SCHIP1: variants seen among roughly 807,000 people sequenced by gnomAD.
The protein encoded by SCHIP1 is schwannomin interacting protein 1.
Under a neutral mutation model 29.7 loss-of-function variants are expected in SCHIP1, and 8 were observed. The observed-to-expected ratio is 0.27, with a 90% CI of 0.16 to 0.49. The LOEUF (loss-of-function observed/expected upper bound fraction) is 0.49. Ranked by LOEUF, SCHIP1 falls within the 20% of genes least tolerant of loss-of-function variation. The pLI, the probability that SCHIP1 is intolerant of heterozygous loss-of-function variation, is 0.99. For missense variants in SCHIP1, 193 were observed against 294.6 expected (o/e 0.66, Z 2.52); for synonymous variants, 76 against 94.9 (o/e 0.80, Z 1.16).
chr3:159,870,985 AT>A (rs1473568335), intron 2 of SCHIP1, among the ~76,000 whole-genome samples: 1 of 152,052 alleles, frequency 6.6e-6, no homozygotes, highest in Non-Finnish European at 1.5e-5. Flanking sequence ...AATATTATAC[AT>A]ACTTTTTATT....
the SCHIP1 span, among the ~76,000 whole-genome samples, chr3:159,302,789 G>A: frequency 6.6e-6 from 1 of 152,138 alleles, no homozygotes; most frequent in African/African-American, 2.4e-5. Context: ...GCTTGGAGCT[G>A]CCCCAGTTTT....
the SCHIP1 span, among the ~76,000 whole-genome samples, chr3:159,379,639 A>G: frequency 8.3e-6 from 1 of 119,810 alleles, no homozygotes; most frequent in Admixed American, 8.4e-5. Context: ...TGCAACACCT[A>G]CAAGTTCCAT....
chr3:159,710,349 C>A, the SCHIP1 span, among the ~76,000 whole-genome samples: 1 of 152,070 alleles, frequency 6.6e-6, no homozygotes, highest in Non-Finnish European at 1.5e-5. Flanking sequence ...ACAGAAAAAA[C>A]TGCATGATCT....
chr3:159,447,347 C>A, the SCHIP1 span, among the ~76,000 whole-genome samples: 7 of 152,250 alleles, frequency 4.6e-5, no homozygotes, highest in South Asian at 1.2e-3. Context: ...GAATCATGAT[C>A]CAAAAGGCCT....
chr3:159,539,151 C>G, the SCHIP1 span, among the ~76,000 whole-genome samples: 2 of 152,012 alleles, frequency 1.3e-5, no homozygotes, highest in African/African-American at 4.8e-5. Flanking sequence ...GAACGCAGTG[C>G]CCATTGAAAG....
At chr3:159,533,965 C>T in the SCHIP1 span, among the ~76,000 whole-genome samples, 1 of 152,208 alleles carries the variant, frequency 6.6e-6, no homozygotes, top group Non-Finnish European at 1.5e-5. Context: ...AGTCCAACCA[C>T]AGCTTCATGT....
At chr3:159,505,635 C>A in the SCHIP1 span, among the ~76,000 whole-genome samples, 4,913 of 151,210 alleles carry the variant, frequency 0.032, 266 homozygotes, top group African/African-American at 0.11. Flanking sequence ...ACCCACCCTA[C>A]AACAGGCCCT....
the SCHIP1 span, among the ~76,000 whole-genome samples, chr3:159,354,138 T>C: frequency 6.6e-6 from 1 of 152,332 alleles, no homozygotes; most frequent in African/African-American, 2.4e-5. Context: ...TGTTACTCAC[T>C]GACTTATAAG....
At chr3:159,657,673 A>T in the SCHIP1 span, among the ~76,000 whole-genome samples, 1 of 152,244 alleles carries the variant, frequency 6.6e-6, no homozygotes, top group Non-Finnish European at 1.5e-5. Flanking sequence ...AACAGTGGGG[A>T]TTAAAAGAGA....
chr3:159,642,648 G>A, the SCHIP1 span, among the ~76,000 whole-genome samples: 3 of 152,026 alleles, frequency 2.0e-5, no homozygotes, highest in Admixed American at 2.0e-4. Context: ...TAAGGCATAG[G>A]CAAAAAATAA....
the SCHIP1 span, among the ~76,000 whole-genome samples, chr3:159,369,732 A>C: frequency 4.6e-5 from 7 of 152,172 alleles, no homozygotes; most frequent in Non-Finnish European, 1.0e-4. Flanking sequence ...CTCATATCCA[A>C]ATGTTTTGTC....
At chr3:159,881,624 T>C (rs1384154288) in intron 2 of SCHIP1, among the ~76,000 whole-genome samples, 2 of 152,194 alleles carry the variant, frequency 1.3e-5, no homozygotes, top group Non-Finnish European at 2.9e-5. Flanking sequence ...AATTCAAACC[T>C]CATGTTAAGT....
chr3:159,467,403 A>C, the SCHIP1 span, among the ~76,000 whole-genome samples: 1 of 152,088 alleles, frequency 6.6e-6, no homozygotes, highest in Admixed American at 6.6e-5. Context: ...AAATAACTAG[A>C]AATAGAATAG....
At chr3:159,357,962 A>C in the SCHIP1 span, among the ~76,000 whole-genome samples, 287 of 152,350 alleles carry the variant, frequency 1.9e-3, 1 homozygote, top group African/African-American at 6.4e-3. Context: ...TCTGCCCCCA[A>C]GGGGCACACA....
At chr3:159,796,641 T>C in the SCHIP1 span, among the ~76,000 whole-genome samples, 1 of 152,152 alleles carries the variant, frequency 6.6e-6, no homozygotes, top group African/African-American at 2.4e-5. Flanking sequence ...TAAAAAAATT[T>C]GGAGTTTTGA....
the SCHIP1 span, among the ~76,000 whole-genome samples, chr3:159,685,226 T>C: frequency 6.6e-6 from 1 of 152,320 alleles, no homozygotes; most frequent in South Asian, 2.1e-4. Flanking sequence ...AATTCCACAA[T>C]AGGAAGTTGT....
chr3:159,375,763 G>C, the SCHIP1 span: 8 of 767,802 alleles, frequency 1.0e-5, no homozygotes, highest in Admixed American at 4.7e-4. Flanking sequence ...TAAATAAACT[G>C]TTTGATACAT....
chr3:159,605,778 C>T, the SCHIP1 span, among the ~76,000 whole-genome samples: 2 of 152,130 alleles, frequency 1.3e-5, no homozygotes, highest in Non-Finnish European at 2.9e-5. Context: ...CTTGTCAACT[C>T]TGATCATATA....
the SCHIP1 span, among the ~76,000 whole-genome samples, chr3:159,414,864 C>G: frequency 6.6e-6 from 1 of 152,068 alleles, no homozygotes; most frequent in African/African-American, 2.4e-5. Flanking sequence ...GTTCATGATC[C>G]TATGAGATTC....
Sources: gnomAD v4.1 joint callset for allele counts (sites outside exome capture counted in the v4.1 genomes callset) on GRCh38, gnomAD v4.1.1 for gene constraint, MANE v1.5 for transcripts, NCBI Gene and HGNC (gene_info 2026-07-23, HGNC 2026-07-21) for gene names.